ASAP1: variants seen among roughly 807,000 people sequenced by gnomAD.
ASAP1 encodes arf-GAP with SH3 domain, ANK repeat and PH domain-containing protein 1.
A neutral mutation model predicts 145.2 loss-of-function variants in ASAP1; 43 were observed. That is an observed-to-expected ratio of 0.30 (90% CI 0.23 to 0.38). ASAP1 has a LOEUF of 0.38. Ranked by LOEUF, ASAP1 falls within the 10% of genes least tolerant of loss-of-function variation. The pLI is 1.00. For synonymous variants in ASAP1, 546 were observed against 515.5 expected, an observed-to-expected ratio of 1.06 and a Z score of -0.80; for missense variants, 1,018 against 1,355.3, an observed-to-expected ratio of 0.75 and a Z score of 3.91.
chr8:130,198,079 CACA>C (rs1815623342), intron 5 of ASAP1, among the ~76,000 whole-genome samples: 3 of 151,942 alleles, frequency 2.0e-5, no homozygotes, highest in Admixed American at 1.3e-4. Flanking sequence ...AGGGGTTTGG[CACA>C]ACAACTACAT....
chr8:130,211,879 T>C (rs546956425), intron 5 of ASAP1, among the ~76,000 whole-genome samples: 2 of 152,292 alleles, frequency 1.3e-5, no homozygotes, highest in East Asian at 1.9e-4. Flanking sequence ...TGGCCTTCAC[T>C]AGCCTAAGAG....
At chr8:130,314,972 T>C (rs1436828310) in intron 3 of ASAP1, among the ~76,000 whole-genome samples, 1 of 152,184 alleles carries the variant, frequency 6.6e-6, no homozygotes, top group East Asian at 1.9e-4. Flanking sequence ...TGGGTGACCT[T>C]TCTGAATTTC....
chr8:130,171,175 T>C (rs780413877), intron 9 of ASAP1, among the ~76,000 whole-genome samples: 2 of 152,316 alleles, frequency 1.3e-5, no homozygotes, highest in African/African-American at 2.4e-5. Flanking sequence ...CTAGCCATGC[T>C]ACATTATTTC....
intron 5 of ASAP1, among the ~76,000 whole-genome samples, chr8:130,196,664 TC>T (rs1815512219): frequency 6.6e-6 from 1 of 152,252 alleles, no homozygotes; most frequent in African/African-American, 2.4e-5. Flanking sequence ...CTTGCATTAA[TC>T]TTGACATTCC....
At chr8:130,337,774 T>A (rs1825126454) in intron 3 of ASAP1, among the ~76,000 whole-genome samples, 1 of 152,148 alleles carries the variant, frequency 6.6e-6, no homozygotes, top group East Asian at 1.9e-4. Flanking sequence ...ATCTCACCCA[T>A]CCACCAAAAC....
intron 5 of ASAP1, among the ~76,000 whole-genome samples, chr8:130,209,793 A>AT (rs1816464520): frequency 6.9e-6 from 1 of 144,186 alleles, no homozygotes; most frequent in African/African-American, 2.5e-5. Context: ...TTAGTGGAAC[A>AT]CCTTTTTTTT....
intron 25 of ASAP1, among the ~76,000 whole-genome samples, chr8:130,082,192 G>A (rs1454226767): frequency 6.6e-6 from 1 of 152,038 alleles, no homozygotes; most frequent in Admixed American, 6.6e-5. Flanking sequence ...AGATAAACTG[G>A]CATTACTAGA....
At chr8:130,089,277 G>C (rs2097500588) in intron 25 of ASAP1, among the ~76,000 whole-genome samples, 2 of 152,148 alleles carry the variant, frequency 1.3e-5, no homozygotes, top group Admixed American at 1.3e-4. Context: ...TCAGATCTGA[G>C]AGAAAAAAAT....
chr8:130,289,382 T>A (rs1234937364), intron 3 of ASAP1, among the ~76,000 whole-genome samples: 2 of 152,212 alleles, frequency 1.3e-5, no homozygotes, highest in Non-Finnish European at 1.5e-5. Flanking sequence ...TGTTTTGTAT[T>A]TTCCAAAGTA....
rs763427510 is a variant in ASAP1, at chr8:130,079,975, C to A, written c.2573-4G>T. On this transcript the variant is annotated splice_region_variant and splice_polypyrimidine_tract_variant and intron_variant, in intron 25 of 29. Transcript: ENST00000518721. Reference sequence around the variant, plus strand: ...GAGGATGGACCCCCATCGTTACCTACAAGGAAAACCGAAGGTGAAAAGGTA... The same window carrying A: ...GAGGATGGACCCCCATCGTTACCTAAAAGGAAAACCGAAGGTGAAAAGGTA... The A allele has an allele frequency of 9.3e-6, 15 of 1,613,402 alleles. No homozygotes were observed. Among genetic ancestry groups the A allele is most frequent in the Non-Finnish European group, 1.2e-5 (14 of 1,179,492 alleles).
intron 4 of ASAP1, among the ~76,000 whole-genome samples, chr8:130,236,000 CAGA>C (rs144195415): frequency 0.026 from 3,953 of 152,150 alleles, 62 homozygotes; most frequent in Middle Eastern, 0.044. Context: ...CCTCACGTTA[CAGA>C]AGAAAAATGG....
intron 2 of ASAP1, among the ~76,000 whole-genome samples, chr8:130,365,676 A>G (rs1826917427): frequency 6.6e-6 from 1 of 152,146 alleles, no homozygotes; most frequent in Non-Finnish European, 1.5e-5. Flanking sequence ...ATCATTTTCC[A>G]GGGTACCATT....
intron 3 of ASAP1, among the ~76,000 whole-genome samples, chr8:130,300,190 A>AGAGAGG (rs1206469856): frequency 6.7e-6 from 1 of 148,270 alleles, no homozygotes; most frequent in South Asian, 2.2e-4. Flanking sequence ...AGAGAGAGCG[A>AGAGAGG]GCGAGCGAGC....
chr8:130,179,251 A>G lies in ASAP1; in HGVS notation c.746+13T>C, dbSNP rs202216323. The G allele has an allele frequency of 2.2e-4, 340 of 1,548,116 alleles. No homozygotes were observed. The highest frequency in any genetic ancestry group is 3.0e-4 in the Non-Finnish European group (335 of 1,122,674). On this transcript the variant is annotated intron_variant, in intron 9 of 29. Coordinates refer to ENST00000518721, the MANE Select transcript of ASAP1 (RefSeq NM_018482.4). ...AATTGGGCTAATAACAATGCTTGCA[A>G]TATTCTACTCACTTGCACTGTGCAT...
chr8:130,278,259 C>G lies in ASAP1; in HGVS notation c.187-41265G>C, dbSNP rs187949158. ...CATGAGCATTTCAAGGTATTGAGTC[C>G]AGATCTTTAGGATGGACACGACCAA... On this transcript the variant is annotated intron_variant, in intron 3 of 29. Coordinates refer to ENST00000518721, the MANE Select transcript of ASAP1 (RefSeq NM_018482.4). 6.7e-3 allele frequency among the ~76,000 whole-genome samples: 1,019 copies of G among 152,090 alleles called. 13 individuals carry two copies. The highest frequency in any genetic ancestry group is 0.022 in the African/African-American group (926 of 41,466).
intron 13 of ASAP1, among the ~76,000 whole-genome samples, chr8:130,149,801 G>C (rs1016081073): frequency 6.6e-6 from 1 of 152,192 alleles, no homozygotes; most frequent in Non-Finnish European, 1.5e-5. Context: ...AAACTGGCTA[G>C]AGACCTTTCT....
chr8:130,182,830 G>GAAA (rs1814449811), intron 7 of ASAP1, among the ~76,000 whole-genome samples: 3 of 43,018 alleles, frequency 7.0e-5, no homozygotes, highest in Admixed American at 2.2e-4. Flanking sequence ...CTATAAAAAG[G>GAAA]CAAAAAAAAA....
At chr8:130,122,563 T>C (rs2097568180) in intron 18 of ASAP1, among the ~76,000 whole-genome samples, 1 of 152,216 alleles carries the variant, frequency 6.6e-6, no homozygotes, top group Non-Finnish European at 1.5e-5. Context: ...GCCCCTTAAT[T>C]GTCACCACAA....
chr8:130,246,235 G>A (rs985676981), intron 3 of ASAP1, among the ~76,000 whole-genome samples: 8 of 152,094 alleles, frequency 5.3e-5, no homozygotes, highest in South Asian at 2.1e-4. Flanking sequence ...GAAGGGAGAT[G>A]AGTGAAGTAT....
Sources: gnomAD v4.1 joint callset for allele counts (sites outside exome capture counted in the v4.1 genomes callset) on GRCh38, gnomAD v4.1.1 for gene constraint, MANE v1.5 for transcripts, NCBI Gene and HGNC (gene_info 2026-07-23, HGNC 2026-07-21) for gene names.